Variants in FNDC1 observed in about 807,000 individuals in gnomAD.
FNDC1 encodes the protein fibronectin type III domain-containing protein 1.
Under a neutral mutation model 168.0 loss-of-function variants are expected in FNDC1, and 96 were observed. The ratio of observed to expected loss-of-function variants is 0.57; its 90% CI spans 0.48 to 0.68. FNDC1 has a LOEUF of 0.68. Among genes scored for constraint, FNDC1 ranks in the 30% least tolerant of loss-of-function variants. The probability of loss-of-function intolerance (pLI) is 0.00; values close to 1 mark genes in which losing one functional copy is unlikely to be tolerated. For synonymous variants in FNDC1, 1,099 were observed against 1,025.9 expected, an observed-to-expected ratio of 1.07 and a Z score of -1.36; for missense variants, 2,587 against 2,482.1, an observed-to-expected ratio of 1.04 and a Z score of -0.90.
intron 1 of FNDC1, among the ~76,000 whole-genome samples, chr6:159,191,665 TAAATGGTAGAC>T (rs1782143712): frequency 6.6e-6 from 1 of 152,232 alleles, no homozygotes. Flanking sequence ...ATTTTGTTTC[TAAATGGTAGAC>T]TGACTGTAAA....
chr6:159,228,121 T>G (rs1349772819), intron 9 of FNDC1, among the ~76,000 whole-genome samples: 2 of 152,232 alleles, frequency 1.3e-5, no homozygotes, highest in Non-Finnish European at 2.9e-5. Flanking sequence ...ATGCTACTTA[T>G]GTACTCTTCC....
Position 159,169,656 on chromosome 6 carries a change from G to T in FNDC1, c.60G>T (p.Leu20=). Residue 20 remains leucine (L), a synonymous_variant, in exon 1 of 23, where the codon CTG becomes CTT. Coordinates refer to ENST00000297267, the MANE Select transcript of FNDC1 (RefSeq NM_032532.3). The surrounding 1 kb of genome is among the most constrained non-coding windows in gnomAD (Gnocchi z 6.8). ...CGCGCCGGCTGTCCTGGGCGGCGCTGCTGCTCTTGGCCGCGCTGCTCCCCG... is the reference window on the plus strand; with the variant it reads ...CGCGCCGGCTGTCCTGGGCGGCGCTTCTGCTCTTGGCCGCGCTGCTCCCCG... ...RAPRRLSWAA[L]LLLAALLPVA... is the part of the protein sequence containing the mutation. 1 of 1,163,628 alleles carries T rather than the reference G, an allele frequency of 8.6e-7. No homozygotes were observed. The highest frequency in any genetic ancestry group is 4.1e-5 in the South Asian group (1 of 24,180). The allele number at this position is 1,163,628 out of a possible 1,614,324, so 72.1% of individuals were successfully genotyped here. A position where few individuals can be genotyped will look rare whatever the true frequency, so the allele number is the denominator to read the frequency against.
chr6:159,169,765 G>C lies in FNDC1; in HGVS notation c.109+60G>C. 1.5e-6 allele frequency: 1 copy of C among 651,924 alleles called. No individual in the cohort carries two copies. Among genetic ancestry groups the C allele is most frequent in the Non-Finnish European group, 2.0e-6 (1 of 488,412 alleles). 40.4% of individuals were successfully genotyped at this position (651,924 alleles called of 1,614,324 possible). ...GCTCCCCGCGCACCCTCCTGCGCTC[G>C]GGCCCCGTCGTCCCGCTCAGTGCTG... On this transcript the variant is annotated intron_variant, in intron 1 of 22. Transcript: ENST00000297267. This position sits in a 1 kb window ranked among gnomAD's most constrained non-coding sequence, Gnocchi z 6.8.
At chr6:159,200,368 A>G in intron 3 of FNDC1, 145 bp from the exon 4 acceptor site, 1 of 673,054 alleles carries the variant, frequency 1.5e-6, no homozygotes. Context: ...CGTAAAGCTG[A>G]GGTGTCCAGT....
intron 9 of FNDC1, among the ~76,000 whole-genome samples, chr6:159,226,875 C>T (rs899145472): frequency 1.3e-5 from 2 of 152,200 alleles, no homozygotes; most frequent in Non-Finnish European, 2.9e-5. Context: ...AACACCCTGG[C>T]TTCCATGCTA....
intron 1 of FNDC1, among the ~76,000 whole-genome samples, chr6:159,184,857 C>T (rs1358752832): frequency 2.6e-5 from 4 of 151,904 alleles, no homozygotes; most frequent in East Asian, 3.9e-4. Flanking sequence ...GAAGAATGTG[C>T]GAAAAAATTC....
intron 1 of FNDC1, among the ~76,000 whole-genome samples, chr6:159,192,767 C>T (rs945664489): frequency 6.6e-6 from 1 of 152,192 alleles, no homozygotes; most frequent in African/African-American, 2.4e-5. Flanking sequence ...ATCCCACACT[C>T]CTCTCCCTGA....
intron 9 of FNDC1, among the ~76,000 whole-genome samples, chr6:159,227,714 A>G (rs1782982452): frequency 6.6e-6 from 1 of 151,366 alleles, no homozygotes; most frequent in African/African-American, 2.4e-5. Flanking sequence ...GTCCCTTTAA[A>G]TCAGGGGTGT....
Position 159,267,692 on chromosome 6 carries a change from G to A in FNDC1, c.5447-112G>A, listed in dbSNP as rs1777618144. On this transcript the variant is annotated intron_variant, in intron 21 of 22. Transcript: ENST00000297267. Reference sequence around the variant, plus strand: ...AGACATGAAAAATACAGCACACACAGTTTAAGTAATATGCTGAATTCAAAC... The same window carrying A: ...AGACATGAAAAATACAGCACACACAATTTAAGTAATATGCTGAATTCAAAC... 4.7e-5 allele frequency: 53 copies of A among 1,122,234 alleles called. No individual in the cohort carries two copies. The South Asian group carries it at 7.5e-4, about 16-fold the overall frequency. 69.5% of individuals were successfully genotyped at this position (1,122,234 alleles called of 1,614,324 possible).
At chr6:159,261,291 G>C in intron 19 of FNDC1, 22 bp downstream of exon 19, 1 of 1,540,010 alleles carries the variant, frequency 6.5e-7, no homozygotes, top group Non-Finnish European at 8.9e-7. Context: ...TTCACATTCT[G>C]ATTTGTTTTA....
intron 11 of FNDC1, among the ~76,000 whole-genome samples, chr6:159,234,711 G>A (rs1783208448): frequency 6.6e-6 from 1 of 152,224 alleles, no homozygotes; most frequent in South Asian, 2.1e-4. Context: ...CTTGCCCTAA[G>A]GCAGACACCT....
chr6:159,251,361 C>G lies in FNDC1; in HGVS notation c.4894C>G (p.Leu1632Val), dbSNP rs1562309002. ...AGCCCCGTGCTCTCTGACTGATGCA[C>G]TGGATCACTTCCAAGTGGACAGCCT... ...PSAPCSLTDA[L>V]DHFQVDSLDE... Residue 1632 changes from leucine (L) to valine (V), a missense_variant, in exon 17 of 23, where the codon CTG (leucine) becomes GTG (valine). By Grantham distance (32) the Leu-to-Val change is conservative (BLOSUM62 1). Coordinates refer to ENST00000297267, the MANE Select transcript of FNDC1 (RefSeq NM_032532.3). 6.2e-7 allele frequency: 1 copy of G among 1,614,004 alleles called. No homozygotes were observed. Among genetic ancestry groups the G allele is most frequent in the Non-Finnish European group, 8.5e-7 (1 of 1,179,882 alleles).
At chr6:159,212,214 G>C (rs1388225494) in intron 4 of FNDC1, among the ~76,000 whole-genome samples, 1 of 152,244 alleles carries the variant, frequency 6.6e-6, no homozygotes, top group Non-Finnish European at 1.5e-5. Flanking sequence ...GCAGTTGAGG[G>C]AATGTGTCCA....
chr6:159,233,362 G>A lies in FNDC1; in HGVS notation c.2850G>A (p.Gln950=). 6.2e-7 allele frequency: 1 copy of A among 1,613,908 alleles called. No individual in the cohort carries two copies. The highest frequency in any genetic ancestry group is 8.5e-7 in the Non-Finnish European group (1 of 1,179,856). ...ACTCCTCCCTGGCCTCCAAGGCTCA[G>A]GATGTTCAACAGAGCACAGACGCGG... ...GKYSSLASKA[Q]DVQQSTDADT... The change falls in exon 11 of 23, where the codon CAG becomes CAA. Residue 950 remains glutamine, a synonymous_variant. Transcript: ENST00000297267. The surrounding 1 kb of genome is among the most constrained non-coding windows in gnomAD (Gnocchi z 4.6).
At position 159,239,938 on chromosome 6, in the gene FNDC1, A is replaced by G. The variant is rs779223385; in HGVS notation, c.4602A>G (p.Pro1534=). The G allele has an allele frequency of 1.1e-5, 16 of 1,496,826 alleles. No homozygotes were observed. In the East Asian group the frequency reaches 4.0e-4, roughly 37 times the overall value. The allele number at this position is 1,496,826 out of a possible 1,614,324, so 92.7% of individuals were successfully genotyped here. ...TGATAATGAGCTCCAATGGGATCCCAGAGTGCTACGCTGAAGAAGGTAACT... is the reference window on the plus strand; with the variant it reads ...TGATAATGAGCTCCAATGGGATCCCGGAGTGCTACGCTGAAGAAGGTAACT... ...GNLIMSSNGI[P]ECYAEEDEFS... is the part of the protein sequence containing the mutation. Residue 1534 remains proline, a synonymous_variant, in exon 14 of 23, where the codon CCA becomes CCG. Coordinates refer to ENST00000297267, the MANE Select transcript of FNDC1 (RefSeq NM_032532.3).
At chr6:159,204,273 G>A (rs1464009310) in intron 4 of FNDC1, among the ~76,000 whole-genome samples, 5 of 152,110 alleles carry the variant, frequency 3.3e-5, no homozygotes, top group Admixed American at 3.3e-4. Flanking sequence ...GGCACTTGCC[G>A]CATAGTGGGT....
chr6:159,267,836 A>G lies in FNDC1; in HGVS notation c.5479A>G (p.Arg1827Gly), dbSNP rs1777621208. The G allele has an allele frequency of 6.2e-7, 1 of 1,613,796 alleles. No individual in the cohort carries two copies. The highest frequency in any genetic ancestry group is 8.5e-7 in the Non-Finnish European group (1 of 1,179,820). The change falls in exon 22 of 23, where the codon AGA becomes GGA. Residue 1827 changes from arginine (R) to glycine (G), a missense_variant. By Grantham distance (125) the Arg-to-Gly change is moderately radical. Coordinates refer to ENST00000297267, the MANE Select transcript of FNDC1 (RefSeq NM_032532.3). ...TFYSIGDSWG[R>G]GEDHCQFVDS... ...CTACAGCATTGGAGACAGCTGGGGA[A>G]GAGGTGAAGACCATTGCCAATTTGT...
chr6:159,191,200 T>G (rs776653204), intron 1 of FNDC1, among the ~76,000 whole-genome samples: 2 of 152,154 alleles, frequency 1.3e-5, no homozygotes, highest in African/African-American at 4.8e-5. Flanking sequence ...CATCACCCCC[T>G]ACCTCCAACA....
At chr6:159,180,507 G>A (rs1370252463) in intron 1 of FNDC1, among the ~76,000 whole-genome samples, 2 of 152,038 alleles carry the variant, frequency 1.3e-5, no homozygotes, top group African/African-American at 2.4e-5. Flanking sequence ...GGGTACATGT[G>A]CAGGATGTGC....
Sources: allele counts gnomAD v4.1 joint callset (sites outside exome capture counted in the v4.1 genomes callset), GRCh38; gene constraint gnomAD v4.1.1; non-coding constraint Gnocchi (gnomAD v3.1); transcripts MANE v1.5; gene names NCBI Gene and HGNC (gene_info 2026-07-23, HGNC 2026-07-21).